SBNO2: variants seen among roughly 807,000 people sequenced by gnomAD.
SBNO2 encodes the protein protein strawberry notch homolog 2.
A neutral mutation model predicts 146.3 loss-of-function variants in SBNO2; 89 were observed. That is an observed-to-expected ratio of 0.61 (90% CI 0.51 to 0.73). The LOEUF (loss-of-function observed/expected upper bound fraction) is 0.73. Ranked by LOEUF, SBNO2 falls within the 30% of genes least tolerant of loss-of-function variation. SBNO2 has a pLI of 0.00. For synonymous variants in SBNO2, 1,147 were observed against 892.6 expected (o/e 1.29, Z -5.08); for missense variants, 2,092 against 2,003.7 (o/e 1.04, Z -0.84).
intron 4 of SBNO2, among the ~76,000 whole-genome samples, chr19:1,133,535 C>T (rs915138841): frequency 6.6e-6 from 1 of 152,234 alleles, no homozygotes; most frequent in Admixed American, 6.5e-5. Flanking sequence ...GCAGCGGAGG[C>T]TGGTGCAGAC....
rs2080086642 is a variant in SBNO2, at chr19:1,136,602, A to G, written c.280-8837T>C. Among the ~76,000 whole-genome samples, 1 of 152,120 alleles carries G rather than the reference A, an allele frequency of 6.6e-6. No homozygotes were observed. Among genetic ancestry groups the G allele is most frequent in the Non-Finnish European group, 1.5e-5 (1 of 68,004 alleles). On this transcript the variant is annotated intron_variant, in intron 4 of 31. Transcript: ENST00000361757. The surrounding 1 kb of genome is among the most constrained non-coding windows in gnomAD (Gnocchi z 4.2). ...CTTGGCCTTGGCTGGGTGTGAACCA[A>G]AGACTTCCTGTAAGAAATCCCCCTC... is the stretch of plus-strand genomic sequence containing the variant.
chr19:1,133,408 G>C (rs559425542), intron 4 of SBNO2, among the ~76,000 whole-genome samples: 14 of 152,256 alleles, frequency 9.2e-5, no homozygotes, highest in African/African-American at 3.4e-4. Flanking sequence ...GGCTCTGAGG[G>C]GAGAGTGGGA....
intron 23 of SBNO2, 84 bp from the exon 24 acceptor site, chr19:1,111,698 T>TC: frequency 2.1e-6 from 1 of 486,478 alleles, no homozygotes. Context: ...AACCCCACCC[T>TC]CCCCTAGGCC....
chr19:1,162,566 G>A (rs2080359440), intron 1 of SBNO2, among the ~76,000 whole-genome samples: 1 of 152,052 alleles, frequency 6.6e-6, no homozygotes, highest in Non-Finnish European at 1.5e-5. Flanking sequence ...GAGGCAGGAG[G>A]CTGACGCCCC....
At chr19:1,167,743 C>G (rs2080439509) in intron 1 of SBNO2, among the ~76,000 whole-genome samples, 1 of 152,212 alleles carries the variant, frequency 6.6e-6, no homozygotes, top group Admixed American at 6.5e-5. Flanking sequence ...GGTGGCTTCT[C>G]TGGGGCTGAC....
At chr19:1,129,067 G>T (rs2079999496) in intron 4 of SBNO2, among the ~76,000 whole-genome samples, 1 of 151,802 alleles carries the variant, frequency 6.6e-6, no homozygotes, top group Non-Finnish European at 1.5e-5. Flanking sequence ...AGGAGTTCAA[G>T]ACCAGCCTGA....
In SBNO2 at chr19:1,107,651, G is replaced by C. The variant is rs775531545; in HGVS notation, c.*569C>G. 5.9e-5 allele frequency: 9 copies of C among 152,528 alleles called. No individual in the cohort carries two copies. The highest frequency in any genetic ancestry group is 1.0e-4 in the Non-Finnish European group (7 of 68,072). 9.4% of individuals were successfully genotyped at this position (152,528 alleles called of 1,614,324 possible). ...AGACTCCGTGGGAAGTAGGCAAAAG[G>C]CACATATATTTAAAAAAGTCCTTTA... On this transcript the variant is annotated 3_prime_UTR_variant, in exon 32 of 32. Coordinates refer to ENST00000361757, the MANE Select transcript of SBNO2 (RefSeq NM_014963.3).
chr19:1,119,554 G>A lies in SBNO2; in HGVS notation c.1335C>T (p.Phe445=). 6.2e-7 allele frequency: 1 copy of A among 1,611,562 alleles called. No homozygotes were observed. Among genetic ancestry groups the A allele is most frequent in the Non-Finnish European group, 8.5e-7 (1 of 1,179,100 alleles). The change falls in exon 13 of 32, where the codon TTC becomes TTT. Residue 445 remains phenylalanine (F), a synonymous_variant. Transcript: ENST00000361757. ...CGTGCAGGAACTCCTCAAAGTTCCGGAAGGGTGTGCCCTCGCCCCAGATAC... is the reference window on the plus strand; with the variant it reads ...CGTGCAGGAACTCCTCAAAGTTCCGAAAGGGTGTGCCCTCGCCCCAGATAC... ...RLGIWGEGTP[F]RNFEEFLHAI...
At chr19:1,152,006 G>C (rs774409107) in intron 2 of SBNO2, among the ~76,000 whole-genome samples, 1 of 152,104 alleles carries the variant, frequency 6.6e-6, no homozygotes, top group African/African-American at 2.4e-5. Flanking sequence ...ACTGGAAGAG[G>C]CTGGGCTGTG....
intron 1 of SBNO2, among the ~76,000 whole-genome samples, chr19:1,168,535 C>A (rs1017475917): frequency 6.6e-6 from 1 of 152,230 alleles, no homozygotes; most frequent in Non-Finnish European, 1.5e-5. Flanking sequence ...GTTCCAGGCA[C>A]CCTGGCGGCT....
At chr19:1,122,100 A>C in intron 11 of SBNO2, 39 bp downstream of exon 11, 1 of 1,275,978 alleles carries the variant, frequency 7.8e-7, no homozygotes, top group South Asian at 2.4e-5. Flanking sequence ...CCGACCCCCT[A>C]ATCCAGCCCT....
rs2079693945 is a variant in SBNO2, at chr19:1,108,119, C to T, written c.*101G>A. 1.5e-6 allele frequency: 2 copies of T among 1,292,202 alleles called. No homozygotes were observed. Among genetic ancestry groups the T allele is most frequent in the African/African-American group, 1.6e-5 (1 of 62,098 alleles). The allele number at this position is 1,292,202 out of a possible 1,614,324, so 80.0% of individuals were successfully genotyped here. A position where few individuals can be genotyped will look rare whatever the true frequency, so the allele number is the denominator to read the frequency against. On this transcript the variant is annotated 3_prime_UTR_variant, in exon 32 of 32. Transcript: ENST00000361757. ...GGCACTGCGGCCAGGGCCTAGGGCT[C>T]CTCTGAGCAGTGGTCAGGGGACCTT...
In SBNO2 at chr19:1,108,175, A is replaced by G. The variant is rs1163925462; in HGVS notation, c.*45T>C. ...TGCTCCCCACCGCTGCTCCTAGGGG[A>G]GAAACGGTCCCTGTGTCTTGGGGCA... On this transcript the variant is annotated 3_prime_UTR_variant, in exon 32 of 32. Coordinates refer to ENST00000361757, the MANE Select transcript of SBNO2 (RefSeq NM_014963.3). 2.0e-6 allele frequency: 3 copies of G among 1,494,374 alleles called. No individual in the cohort carries two copies. Among genetic ancestry groups the G allele is most frequent in the Non-Finnish European group, 2.7e-6 (3 of 1,116,432 alleles). The allele number at this position is 1,494,374 out of a possible 1,614,324, so 92.6% of individuals were successfully genotyped here.
At chr19:1,162,645 G>A (rs1166895935) in intron 1 of SBNO2, among the ~76,000 whole-genome samples, 1 of 152,160 alleles carries the variant, frequency 6.6e-6, no homozygotes, top group East Asian at 1.9e-4. Context: ...TCCCAGCTTT[G>A]TGAGGTGGAG....
In SBNO2 at chr19:1,107,826, G is replaced by C. The variant is rs2079688754; in HGVS notation, c.*394C>G. The C allele has an allele frequency of 6.4e-6, 1 of 156,806 alleles. No homozygotes were observed. The highest frequency in any genetic ancestry group is 1.4e-5 in the Non-Finnish European group (1 of 70,864). The allele number at this position is 156,806 out of a possible 1,614,324, so 9.7% of individuals were successfully genotyped here. A position where few individuals can be genotyped will look rare whatever the true frequency, so the allele number is the denominator to read the frequency against. On this transcript the variant is annotated 3_prime_UTR_variant, in exon 32 of 32. Coordinates refer to ENST00000361757, the MANE Select transcript of SBNO2 (RefSeq NM_014963.3). Reference sequence around the variant, plus strand: ...AGGGAGAATTGCATATATTAGCAGGGGTCTGCCCCACGGAGCCCCCGAGAC... The same window carrying C: ...AGGGAGAATTGCATATATTAGCAGGCGTCTGCCCCACGGAGCCCCCGAGAC...
At position 1,109,612 on chromosome 19, in the gene SBNO2, G is replaced by C; in HGVS notation, c.3124-14C>G. ...GTCCACGCTGATCTGCCACGGCACG[G>C]GGTGGGGGGGTGTGAGTGTGGTGGG... On this transcript the variant is annotated splice_polypyrimidine_tract_variant and intron_variant, in intron 27 of 31. Transcript: ENST00000361757. The surrounding 1 kb of genome is among the most constrained non-coding windows in gnomAD (Gnocchi z 4.2). The C allele has an allele frequency of 6.4e-7, 1 of 1,564,236 alleles. No homozygotes were observed. The highest frequency in any genetic ancestry group is 8.7e-7 in the Non-Finnish European group (1 of 1,154,810).
Position 1,154,198 on chromosome 19 carries a change from G to A in SBNO2, c.79C>T (p.Pro27Ser). 8.0e-7 allele frequency: 1 copy of A among 1,247,622 alleles called. No homozygotes were observed. Among genetic ancestry groups the A allele is most frequent in the Non-Finnish European group, 1.0e-6 (1 of 995,520 alleles). 77.3% of individuals were successfully genotyped at this position (1,247,622 alleles called of 1,614,324 possible). ...GTGGGGCTCACCTGCAGGGGCGGCG[G>A]GCTGTACAGGAGGCTGCCCGCCGGC... ...PPPAGSLLYS[P>S]PPLQSAMLHC... Residue 27 changes from proline to serine, a missense_variant, in exon 2 of 32, where the codon CCG (proline) becomes TCG (serine). Physicochemically the swap from Pro to Ser is moderately conservative, Grantham distance 74. Transcript: ENST00000361757.
At chr19:1,132,475 G>C (rs970842152) in intron 4 of SBNO2, among the ~76,000 whole-genome samples, 5 of 152,248 alleles carry the variant, frequency 3.3e-5, no homozygotes. Context: ...GCACCCGGCG[G>C]ACGTGCAGAA....
intron 1 of SBNO2, among the ~76,000 whole-genome samples, chr19:1,168,257 C>T (rs952285652): frequency 2.6e-5 from 4 of 152,166 alleles, no homozygotes; most frequent in Admixed American, 6.5e-5. Flanking sequence ...CCTGGGGGCT[C>T]GCAGCTCCCC....
Sources: allele counts gnomAD v4.1 joint callset (sites outside exome capture counted in the v4.1 genomes callset), GRCh38; gene constraint gnomAD v4.1.1; non-coding constraint Gnocchi (gnomAD v3.1); transcripts MANE v1.5; gene names NCBI Gene and HGNC (gene_info 2026-07-23, HGNC 2026-07-21).